SGMS1: variants seen among roughly 807,000 people sequenced by gnomAD.
SGMS1 encodes the protein sphingomyelin synthase 1.
A neutral mutation model predicts 46.2 loss-of-function variants in SGMS1; 13 were observed. The observed-to-expected ratio is 0.28, with a 90% CI of 0.18 to 0.45. The LOEUF (loss-of-function observed/expected upper bound fraction) is 0.45, where lower values mean the gene tolerates loss of function less well. Among genes scored for constraint, SGMS1 ranks in the 20% least tolerant of loss-of-function variants. The pLI, the probability that SGMS1 is intolerant of heterozygous loss-of-function variation, is 1.00. For synonymous variants in SGMS1, 203 were observed against 187.8 expected (o/e 1.08, Z -0.66); for missense variants, 324 against 519.9 (o/e 0.62, Z 3.66).
At chr10:50,541,964 G>C (rs960840178) in intron 2 of SGMS1, among the ~76,000 whole-genome samples, 13 of 152,306 alleles carry the variant, frequency 8.5e-5, no homozygotes, top group African/African-American at 2.4e-4. Context: ...TAATGGAATA[G>C]ATGAGTATGC....
intron 3 of SGMS1, among the ~76,000 whole-genome samples, chr10:50,506,846 G>A (rs142396614): frequency 6.6e-4 from 100 of 152,228 alleles, no homozygotes; most frequent in African/African-American, 2.2e-3. Flanking sequence ...GGTGCTTCAC[G>A]CACATGACCT....
chr10:50,624,994 TG>T, upstream of SGMS1: 1 of 1,026,514 alleles, frequency 9.7e-7, no homozygotes. Flanking sequence ...GGAACCGACC[TG>T]GGAGCTGGCG....
intron 6 of SGMS1, among the ~76,000 whole-genome samples, chr10:50,394,783 T>C (rs1848822551): frequency 6.6e-6 from 1 of 152,220 alleles, no homozygotes; most frequent in African/African-American, 2.4e-5. Context: ...GTTGTTTTTT[T>C]CCAGGATTTT....
chr10:50,541,735 G>A (rs574747525), intron 2 of SGMS1, among the ~76,000 whole-genome samples: 2 of 152,188 alleles, frequency 1.3e-5, no homozygotes, highest in Non-Finnish European at 2.9e-5. Context: ...AAAAGGGGTT[G>A]TTTTGAGTTT....
chr10:50,400,128 A>G (rs931179686), intron 6 of SGMS1, among the ~76,000 whole-genome samples: 3 of 151,686 alleles, frequency 2.0e-5, no homozygotes, highest in African/African-American at 4.8e-5. Context: ...ATGGTTGTTC[A>G]TGTTCTTTTC....
chr10:50,362,797 C>T (rs577155565), intron 6 of SGMS1, among the ~76,000 whole-genome samples: 4 of 152,224 alleles, frequency 2.6e-5, no homozygotes, highest in Admixed American at 6.5e-5. Context: ...AAAAACAAGA[C>T]ATGATTTTTT....
chr10:50,502,674 A>G (rs866543238), intron 3 of SGMS1, among the ~76,000 whole-genome samples: 4 of 152,230 alleles, frequency 2.6e-5, no homozygotes, highest in Non-Finnish European at 5.9e-5. Flanking sequence ...AAAAAAGAAG[A>G]AGAAGAAATA....
At chr10:50,416,736 T>C (rs1849174450) in intron 6 of SGMS1, among the ~76,000 whole-genome samples, 1 of 151,906 alleles carries the variant, frequency 6.6e-6, no homozygotes, top group African/African-American at 2.4e-5. Flanking sequence ...TTGAAAACAG[T>C]GTTACTAGGA....
chr10:50,344,217 T>TG lies in SGMS1; in HGVS notation c.-104dup, dbSNP rs1847875670. On this transcript the variant is annotated 5_prime_UTR_variant, in exon 7 of 11. The change creates a premature stop within an existing upstream ORF in the 5' untranslated region. Transcript: ENST00000361781. ...GTCCTGCCTCGGCTCGTTCATCCTG[T>TG]GGGGCCTCATGAGCAGAGACTTGTT... 6.9e-7 allele frequency: 1 copy of TG among 1,440,292 alleles called. No homozygotes were observed. Among genetic ancestry groups the TG allele is most frequent in the Non-Finnish European group, 9.2e-7 (1 of 1,082,974 alleles). 89.2% of individuals were successfully genotyped at this position (1,440,292 alleles called of 1,614,324 possible). A position where few individuals can be genotyped will look rare whatever the true frequency, so the allele number is the denominator to read the frequency against.
intron 2 of SGMS1, among the ~76,000 whole-genome samples, chr10:50,574,976 T>TATATATATATATATATAC (rs1838370092): frequency 7.0e-6 from 1 of 143,044 alleles, no homozygotes; most frequent in African/African-American, 2.5e-5. Flanking sequence ...TATATATATA[T>TATATATATATATATATAC]ATATATATAA....
intron 3 of SGMS1, among the ~76,000 whole-genome samples, chr10:50,515,170 C>T (rs2133779425): frequency 6.6e-6 from 1 of 152,274 alleles, no homozygotes; most frequent in East Asian, 1.9e-4. Flanking sequence ...AGATGAGTAA[C>T]CCTGCTCACT....
At chr10:50,434,355 G>A (rs547671594) in intron 5 of SGMS1, among the ~76,000 whole-genome samples, 4 of 152,258 alleles carry the variant, frequency 2.6e-5, no homozygotes, top group East Asian at 1.9e-4. Flanking sequence ...TGTGAAGAAC[G>A]TGTGGCTCCA....
At chr10:50,503,688 A>T (rs763847677) in intron 3 of SGMS1, among the ~76,000 whole-genome samples, 2 of 152,186 alleles carry the variant, frequency 1.3e-5, no homozygotes, top group African/African-American at 2.4e-5. Flanking sequence ...GTCTCTTCAC[A>T]CGGATATGAG....
intron 1 of SGMS1, among the ~76,000 whole-genome samples, chr10:50,615,578 T>C (rs1488824844): frequency 2.6e-5 from 4 of 152,198 alleles, no homozygotes; most frequent in South Asian, 2.1e-4. Context: ...TTCACCACTG[T>C]ACTATAAGAC....
At chr10:50,500,155 G>A (rs1173454277) in intron 3 of SGMS1, among the ~76,000 whole-genome samples, 2 of 152,072 alleles carry the variant, frequency 1.3e-5, no homozygotes, top group African/African-American at 2.4e-5. Context: ...GTGACAGAGC[G>A]GGACTCCATC....
At chr10:50,580,033 C>T (rs1156594942) in intron 2 of SGMS1, among the ~76,000 whole-genome samples, 1 of 152,096 alleles carries the variant, frequency 6.6e-6, no homozygotes, top group African/African-American at 2.4e-5. Flanking sequence ...GTGGTAAGTG[C>T]ATAGAAAAAC....
At chr10:50,576,325 T>C (rs982650948) in intron 2 of SGMS1, among the ~76,000 whole-genome samples, 1 of 152,222 alleles carries the variant, frequency 6.6e-6, no homozygotes, top group Non-Finnish European at 1.5e-5. Flanking sequence ...AGGCATCATA[T>C]ACTGAGGTCT....
At chr10:50,603,884 G>T (rs904533028) in intron 1 of SGMS1, among the ~76,000 whole-genome samples, 4 of 151,996 alleles carry the variant, frequency 2.6e-5, no homozygotes, top group African/African-American at 9.7e-5. Flanking sequence ...TACATAAACA[G>T]GTTAAGATTT....
intron 6 of SGMS1, among the ~76,000 whole-genome samples, chr10:50,420,789 T>G (rs1204796456): frequency 6.6e-6 from 1 of 152,046 alleles, no homozygotes; most frequent in Non-Finnish European, 1.5e-5. Context: ...CAATTGTGTT[T>G]GTGTGTGTGT....
Sources: gnomAD v4.1 joint callset for allele counts (sites outside exome capture counted in the v4.1 genomes callset) on GRCh38, gnomAD v4.1.1 for gene constraint, MANE v1.5 for transcripts, NCBI Gene and HGNC (gene_info 2026-07-23, HGNC 2026-07-21) for gene names.